Variants in CENPE observed in about 807,000 individuals in gnomAD.
CENPE encodes the protein centromere-associated protein E.
Under a neutral mutation model 336.1 loss-of-function variants are expected in CENPE, and 145 were observed. That is an observed-to-expected ratio of 0.43 (90% CI 0.38 to 0.50). The LOEUF (loss-of-function observed/expected upper bound fraction) is 0.50, where lower values mean the gene tolerates loss of function less well. CENPE is among the 20% of genes least tolerant of loss of function. The pLI is 0.00. For synonymous variants in CENPE, 1,013 were observed against 984.8 expected (o/e 1.03, Z -0.54); for missense variants, 2,719 against 3,023.3 (o/e 0.90, Z 2.36).
At chr4:103,130,778 T>A (rs1751515496) in intron 42 of CENPE, among the ~76,000 whole-genome samples, 1 of 152,088 alleles carries the variant, frequency 6.6e-6, no homozygotes, top group African/African-American at 2.4e-5. Context: ...GTTTCCAGAT[T>A]TGCTATAAAT....
rs774647586 is a variant in CENPE, at chr4:103,143,277, C to G, written c.5275G>C (p.Glu1759Gln). 2.5e-6 allele frequency: 4 copies of G among 1,605,670 alleles called. No homozygotes were observed. The Admixed American group carries it at 6.7e-5, about 27-fold the overall frequency. The change falls in exon 34 of 49, where the codon GAA becomes CAA. Residue 1759 changes from glutamate (E) to glutamine (Q), a missense_variant. This residue lies in a region of CENPE where 2,437 missense variants were observed against 2,513.3 expected (regional missense o/e 0.97). Coordinates refer to ENST00000265148, the MANE Select transcript of CENPE (RefSeq NM_001813.3). ...GCTTTTAAGGCATCATTTGAGTGTT[C>G]TAAGTCCTTTTGCATATTTGATATT... ...NEISNMQKDL[E>Q]HSNDALKAQD...
At chr4:103,177,105 A>C (rs1275015266) in intron 13 of CENPE, 59 bp from the exon 14 acceptor site, 1 of 1,369,682 alleles carries the variant, frequency 7.3e-7, no homozygotes, top group Non-Finnish European at 1.0e-6. Context: ...ATAATAAAAC[A>C]AGGGAACTAG....
Position 103,143,358 on chromosome 4 carries a change from C to T in CENPE, c.5194G>A (p.Glu1732Lys). The change falls in exon 34 of 49, where the codon GAG (glutamate) becomes AAG (lysine). Residue 1732 changes from glutamate to lysine, a missense_variant. Around this residue, in one of 5 missense-constraint regions of CENPE, gnomAD observed 2,437 missense variants for 2,513.3 expected, o/e 0.97. Coordinates refer to ENST00000265148, the MANE Select transcript of CENPE (RefSeq NM_001813.3). Reference sequence around the variant, plus strand: ...AGTTTATCAATAGTTTCTTGGTGCTCCTTCAGATGCATGTGAACAATTTTT... The same window carrying T: ...AGTTTATCAATAGTTTCTTGGTGCTTCTTCAGATGCATGTGAACAATTTTT... The part of the protein sequence containing the change: ...ELKIVHMHLK[E>K]HQETIDKLRG... The T allele has an allele frequency of 6.2e-7, 1 of 1,606,558 alleles. No homozygotes were observed.
intron 27 of CENPE, 58 bp downstream of exon 27, chr4:103,149,060 A>C: frequency 4.4e-6 from 7 of 1,587,414 alleles, no homozygotes; most frequent in Non-Finnish European, 5.1e-6. Context: ...CCCTCTTTCC[A>C]AGTGGCTCAG....
Position 103,122,886 on chromosome 4 carries a change from T to C in CENPE, c.7128A>G (p.Thr2376=), listed in dbSNP as rs752530889. The change falls in exon 43 of 49, where the codon ACA becomes ACG. Residue 2376 remains threonine, a synonymous_variant. Coordinates refer to ENST00000265148, the MANE Select transcript of CENPE (RefSeq NM_001813.3). The part of the protein sequence containing the change: ...NKNPHVTSRA[T]QLTTEKIREL... Reference sequence around the variant, plus strand: ...AATTATATACCTCTGTGGTTAACTGTGTAGCTCTTGATGTAACATGAGGAT... The same window carrying C: ...AATTATATACCTCTGTGGTTAACTGCGTAGCTCTTGATGTAACATGAGGAT... The C allele has an allele frequency of 6.2e-7, 1 of 1,612,226 alleles. No homozygotes were observed. The highest frequency in any genetic ancestry group is 1.1e-5 in the South Asian group (1 of 91,024).
At chr4:103,119,002 C>T (rs572400697) in intron 44 of CENPE, among the ~76,000 whole-genome samples, 5 of 152,228 alleles carry the variant, frequency 3.3e-5, no homozygotes, top group Admixed American at 1.3e-4. Context: ...CACAGTTCAC[C>T]CTATCACATC....
At chr4:103,185,125 C>T (rs1181346136) in intron 9 of CENPE, among the ~76,000 whole-genome samples, 5 of 151,716 alleles carry the variant, frequency 3.3e-5, no homozygotes, top group African/African-American at 4.8e-5. Flanking sequence ...ACCAACATGG[C>T]GAAACTCTGT....
intron 45 of CENPE, 27 bp from the exon 46 acceptor site, chr4:103,114,579 A>G (rs1264252662): frequency 7.1e-7 from 1 of 1,412,162 alleles, no homozygotes; most frequent in Non-Finnish European, 9.9e-7. Context: ...AAATATGTAA[A>G]AAGCTCAGCA....
Position 103,158,296 on chromosome 4 carries a change from T to C in CENPE, c.3033+4A>G. On this transcript the variant is annotated splice_donor_region_variant and intron_variant, in intron 24 of 48. Transcript: ENST00000265148. ...TGAAAACTCTGAAAATAAACACCCT[T>C]TACCTTTTGCTGAAATTCATCTTTA... 6.2e-7 allele frequency: 1 copy of C among 1,601,046 alleles called. No individual in the cohort carries two copies. Among genetic ancestry groups the C allele is most frequent in the East Asian group, 2.2e-5 (1 of 44,618 alleles).
intron 42 of CENPE, among the ~76,000 whole-genome samples, chr4:103,129,849 T>C (rs955803950): frequency 6.6e-6 from 1 of 152,224 alleles, no homozygotes; most frequent in African/African-American, 2.4e-5. Context: ...ATGGGATTTA[T>C]CCCAGGTATG....
rs530498595 is a variant in CENPE at position 103,163,123 on chromosome 4, C to T, written c.1842+14G>A. On this transcript the variant is annotated intron_variant, in intron 18 of 48. Coordinates refer to ENST00000265148, the MANE Select transcript of CENPE (RefSeq NM_001813.3). ...ATTTATGTGATTACACAACAAAATACGCCTGATTTTTACCAATGAGTATGA... is the reference window on the plus strand; with the variant it reads ...ATTTATGTGATTACACAACAAAATATGCCTGATTTTTACCAATGAGTATGA... 3.8e-5 allele frequency: 61 copies of T among 1,597,858 alleles called. No homozygotes were observed. The highest frequency in any genetic ancestry group is 2.6e-4 in the South Asian group (23 of 89,128).
chr4:103,110,478 A>G (rs1749300460), intron 47 of CENPE, among the ~76,000 whole-genome samples: 2 of 152,146 alleles, frequency 1.3e-5, no homozygotes, highest in African/African-American at 4.8e-5. Flanking sequence ...ATCTGTTTAT[A>G]AAGTAAAAAG....
intron 21 of CENPE, among the ~76,000 whole-genome samples, chr4:103,159,669 T>G (rs1401937406): frequency 6.6e-6 from 1 of 151,882 alleles, no homozygotes; most frequent in Non-Finnish European, 1.5e-5. Flanking sequence ...AATTTGACAT[T>G]TTTTTCCCTA....
chr4:103,155,430 C>T (rs1170070667), intron 24 of CENPE, among the ~76,000 whole-genome samples: 2 of 152,104 alleles, frequency 1.3e-5, no homozygotes, highest in African/African-American at 4.8e-5. Context: ...CCTACCTCAG[C>T]CTCCTGAGTG....
In CENPE at chr4:103,158,816, T is replaced by A. The variant is rs780036364; in HGVS notation, c.2672A>T (p.Gln891Leu). ...TCTATTTTCTAATTGTTCCTTCAGC[T>A]GTTCCATCTCATTTAGTCTTTCTTG... ...EVQERLNEME[Q>L]LKEQLENRDS... is the part of the protein sequence containing the mutation. The change falls in exon 23 of 49, where the codon CAG becomes CTG. Residue 891 changes from glutamine (Q) to leucine (L), a missense_variant. This residue lies in a region of CENPE where 2,437 missense variants were observed against 2,513.3 expected (regional missense o/e 0.97). Transcript: ENST00000265148. 3 of 1,613,126 alleles carry A rather than the reference T, an allele frequency of 1.9e-6. No homozygotes were observed. Among genetic ancestry groups the A allele is most frequent in the Non-Finnish European group, 2.5e-6 (3 of 1,179,482 alleles).
chr4:103,107,670 T>C (rs1749013869), intron 48 of CENPE, among the ~76,000 whole-genome samples: 1 of 152,162 alleles, frequency 6.6e-6, no homozygotes. Context: ...TGATCCTTGA[T>C]ACCTCCCCAC....
Position 103,160,783 on chromosome 4 carries a change from G to C in CENPE, c.2132-4C>G. 1 of 1,578,414 alleles carries C rather than the reference G, an allele frequency of 6.3e-7. No individual in the cohort carries two copies. Among genetic ancestry groups the C allele is most frequent in the South Asian group, 1.2e-5 (1 of 84,884 alleles). Reference sequence around the variant, plus strand: ...AATTCCAAATTACAGAGCAAATCTAGAAAGTTTTGGTAAATTGTATAAAGA... The same window carrying C: ...AATTCCAAATTACAGAGCAAATCTACAAAGTTTTGGTAAATTGTATAAAGA... On this transcript the variant is annotated splice_polypyrimidine_tract_variant and splice_region_variant and intron_variant, in intron 20 of 48. Transcript: ENST00000265148.
intron 8 of CENPE, among the ~76,000 whole-genome samples, chr4:103,189,204 C>A (rs185257628): frequency 1.3e-5 from 2 of 152,250 alleles, no homozygotes; most frequent in East Asian, 3.9e-4. Context: ...CCGAATTCTA[C>A]CAGAGGTACT....
intron 40 of CENPE, among the ~76,000 whole-genome samples, chr4:103,135,540 C>T (rs1751993296): frequency 1.3e-5 from 2 of 152,062 alleles, no homozygotes; most frequent in African/African-American, 4.8e-5. Flanking sequence ...TCTTTAATCT[C>T]GTTTGTCCTC....
Sources: allele counts gnomAD v4.1 joint callset (sites outside exome capture counted in the v4.1 genomes callset), GRCh38; gene constraint gnomAD v4.1.1; regional missense constraint gnomAD v4.1.1; transcripts MANE v1.5; gene names NCBI Gene and HGNC (gene_info 2026-07-23, HGNC 2026-07-21).